The following DZIP1L variants were observed in gnomAD, a reference collection of about 807,000 sequenced individuals.
DZIP1L encodes the protein DAZ interacting zinc finger protein 1 like, also known as cilium assembly protein DZIP1L.
A neutral mutation model predicts 88.7 loss-of-function variants in DZIP1L; 90 were observed. The observed-to-expected ratio is 1.02, with a 90% CI of 0.86 to 1.21. DZIP1L has a LOEUF of 1.21. DZIP1L is among the 50% of genes most tolerant of loss of function. DZIP1L has a pLI of 0.00. For synonymous variants in DZIP1L, 363 were observed against 372.1 expected (o/e 0.98, Z 0.28); for missense variants, 932 against 955.8 (o/e 0.98, Z 0.33).
intron 14 of DZIP1L, among the ~76,000 whole-genome samples, chr3:138,067,107 T>A (rs1352798658): frequency 1.3e-5 from 2 of 152,134 alleles, no homozygotes; most frequent in African/African-American, 4.8e-5. Flanking sequence ...TGCGGGTTGT[T>A]CCTCTAATCC....
At chr3:138,079,531 C>T (rs1279438363) in intron 10 of DZIP1L, among the ~76,000 whole-genome samples, 3 of 152,198 alleles carry the variant, frequency 2.0e-5, no homozygotes, top group South Asian at 4.1e-4. Context: ...ACAATGTGTA[C>T]AGTGTGTTCC....
chr3:138,067,517 A>T lies in DZIP1L; in HGVS notation c.2002+14T>A. 1.9e-6 allele frequency: 3 copies of T among 1,579,814 alleles called. 1 individual carries two copies. Among genetic ancestry groups the T allele is most frequent in the South Asian group, 2.3e-5 (2 of 85,722 alleles). On this transcript the variant is annotated intron_variant, in intron 14 of 15. Transcript: ENST00000327532. ...CGGTGGTCCCAGCCCACTCACCCAA[A>T]GGTGCCAGCTCACCTGAGCCCTGGC...
intron 2 of DZIP1L, among the ~76,000 whole-genome samples, chr3:138,101,006 C>A (rs1189008603): frequency 6.6e-6 from 1 of 152,052 alleles, no homozygotes; most frequent in East Asian, 1.9e-4. Context: ...ACACACAAAC[C>A]CCTCACACAC....
At chr3:138,101,416 T>A in intron 2 of DZIP1L, 1 of 707,820 alleles carries the variant, frequency 1.4e-6, no homozygotes. Flanking sequence ...CACAGCAGCC[T>A]CCCCCGCTGG....
Position 138,068,896 on chromosome 3 carries a change from T to C in DZIP1L, c.1616-529A>G, listed in dbSNP as rs1412605473. 9.6e-6 allele frequency: 12 copies of C among 1,247,070 alleles called. No homozygotes were observed. The East Asian group carries it at 2.6e-4, about 27-fold the overall frequency. 77.3% of individuals were successfully genotyped at this position (1,247,070 alleles called of 1,614,324 possible). The stretch of plus-strand genomic sequence containing the variant: ...GTTTTCCAAATTGCATCAAGACCTA[T>C]AGCCACAAGAGCGGTCCCGGATCAG... On this transcript the variant is annotated intron_variant, in intron 12 of 15. Transcript: ENST00000327532.
At chr3:138,111,318 G>A (rs2042616061) in intron 1 of DZIP1L, among the ~76,000 whole-genome samples, 1 of 152,172 alleles carries the variant, frequency 6.6e-6, no homozygotes, top group Admixed American at 6.5e-5. Context: ...CTCATTGGAG[G>A]GAAATGCCAC....
chr3:138,070,157 C>T (rs1412359658), intron 12 of DZIP1L, among the ~76,000 whole-genome samples: 1 of 152,168 alleles, frequency 6.6e-6, no homozygotes, highest in African/African-American at 2.4e-5. Context: ...CTCCTCTGAG[C>T]TCCCACCACC....
intron 2 of DZIP1L, among the ~76,000 whole-genome samples, chr3:138,103,266 TAC>T (rs141152295): frequency 7.3e-5 from 11 of 150,106 alleles, no homozygotes; most frequent in East Asian, 2.0e-4. Context: ...TACACACACA[TAC>T]ACACACACAC....
At chr3:138,090,244 T>C (rs950304641) in intron 5 of DZIP1L, among the ~76,000 whole-genome samples, 1 of 152,150 alleles carries the variant, frequency 6.6e-6, no homozygotes, top group African/African-American at 2.4e-5. Flanking sequence ...ATATCATGGA[T>C]GGTAAGGATT....
At chr3:138,110,941 A>G (rs1184006737) in intron 1 of DZIP1L, among the ~76,000 whole-genome samples, 1 of 152,234 alleles carries the variant, frequency 6.6e-6, no homozygotes, top group Non-Finnish European at 1.5e-5. Context: ...TTTTTTCTCC[A>G]GAGAGACAGA....
intron 12 of DZIP1L, 119 bp from the exon 13 acceptor site, chr3:138,068,486 T>C (rs576930612): frequency 1.1e-5 from 8 of 715,894 alleles, no homozygotes; most frequent in African/African-American, 1.8e-5. Flanking sequence ...CTCCGTGCTG[T>C]AATAACCACA....
chr3:138,065,743 G>A (rs1942863930), intron 14 of DZIP1L, among the ~76,000 whole-genome samples: 1 of 152,156 alleles, frequency 6.6e-6, no homozygotes, highest in Non-Finnish European at 1.5e-5. Context: ...GACATCCCAG[G>A]GTTTCTACTT....
chr3:138,104,007 G>T lies in DZIP1L; in HGVS notation c.-36C>A. 2 of 1,579,156 alleles carry T rather than the reference G, an allele frequency of 1.3e-6. No homozygotes were observed. The highest frequency in any genetic ancestry group is 1.2e-5 in the South Asian group (1 of 86,112). On this transcript the variant is annotated 5_prime_UTR_variant, in exon 2 of 16. Coordinates refer to ENST00000327532, the MANE Select transcript of DZIP1L (RefSeq NM_173543.3). Reference sequence around the variant, plus strand: ...AGCCCTGAGCTGACCACCAGAGGAGGGGGGCACCAAGGCCACGGCAGTAGG... The same window carrying T: ...AGCCCTGAGCTGACCACCAGAGGAGTGGGGCACCAAGGCCACGGCAGTAGG...
chr3:138,067,888 C>A (rs1481996321), intron 13 of DZIP1L, among the ~76,000 whole-genome samples, 188 bp from the exon 14 acceptor site: 3 of 152,182 alleles, frequency 2.0e-5, no homozygotes, highest in Non-Finnish European at 4.4e-5. Flanking sequence ...TTAGTAGAGC[C>A]CTGCCCATCT....
intron 10 of DZIP1L, 182 bp downstream of exon 10, chr3:138,080,385 A>T: frequency 1.8e-6 from 1 of 547,904 alleles, no homozygotes; most frequent in Non-Finnish European, 3.2e-6. Context: ...ATTGTATGTT[A>T]GTACCTGCAT....
In DZIP1L at chr3:138,087,001, ACTTTT is replaced by A; in HGVS notation, c.1017_1021del (p.Arg339SerfsTer6). On this transcript the variant is annotated frameshift_variant, in exon 7 of 16. Coordinates refer to ENST00000327532, the MANE Select transcript of DZIP1L (RefSeq NM_173543.3). LOFTEE classifies it high-confidence loss of function. ...CATGTGCTCTTCATGCAGTTCCTTC[ACTTTT>A]CTTTTCCACTCCGTTTTCTGAAAAA... The A allele has an allele frequency of 5.0e-6, 8 of 1,614,112 alleles. No homozygotes were observed. The highest frequency in any genetic ancestry group is 6.8e-6 in the Non-Finnish European group (8 of 1,180,008).
chr3:138,114,323 A>G (rs2042659525), intron 1 of DZIP1L, among the ~76,000 whole-genome samples: 1 of 152,096 alleles, frequency 6.6e-6, no homozygotes, highest in African/African-American at 2.4e-5. Context: ...GCCCACATGA[A>G]CTCAGGTTTC....
intron 10 of DZIP1L, among the ~76,000 whole-genome samples, chr3:138,079,669 G>C (rs1342664202): frequency 2.6e-5 from 4 of 152,088 alleles, no homozygotes. Context: ...TGGATAGCTG[G>C]GCAGAAGGGA....
intron 5 of DZIP1L, chr3:138,089,364 AC>A: frequency 1.4e-6 from 1 of 702,852 alleles, no homozygotes; most frequent in Non-Finnish European, 1.7e-6. Context: ...CTTATGACAC[AC>A]CACAGAGCTG....
Sources: allele counts gnomAD v4.1 joint callset (sites outside exome capture counted in the v4.1 genomes callset), GRCh38; gene constraint gnomAD v4.1.1; transcripts MANE v1.5; gene names NCBI Gene and HGNC (gene_info 2026-07-23, HGNC 2026-07-21).